Variants in AP4E1 observed in about 807,000 individuals in gnomAD.
The protein encoded by AP4E1 is adaptor related protein complex 4 subunit epsilon 1, also known as AP-4 complex subunit epsilon-1.
A neutral mutation model predicts 128.2 loss-of-function variants in AP4E1; 56 were observed. That is an observed-to-expected ratio of 0.44 (90% confidence interval 0.35 to 0.55). AP4E1 has a LOEUF of 0.55. Among genes scored for constraint, AP4E1 ranks in the 20% least tolerant of loss-of-function variants. AP4E1 has a pLI of 0.00. For synonymous variants in AP4E1, 484 were observed against 473.1 expected, an observed-to-expected ratio of 1.02 and a Z score of -0.30; for missense variants, 1,324 against 1,307.7, an observed-to-expected ratio of 1.01 and a Z score of -0.19.
chr15:50,908,026 G>A (rs922646636), upstream of AP4E1, among the ~76,000 whole-genome samples: 3 of 152,192 alleles, frequency 2.0e-5, no homozygotes, highest in Non-Finnish European at 4.4e-5. Context: ...GGCTCTAGAA[G>A]GATGACCTTT....
At chr15:50,975,871 G>C (rs964720550) in intron 15 of AP4E1, among the ~76,000 whole-genome samples, 1 of 152,066 alleles carries the variant, frequency 6.6e-6, no homozygotes, top group Non-Finnish European at 1.5e-5. Flanking sequence ...AGCAATTTGG[G>C]AGGCCATGGT....
At chr15:50,992,317 T>C (rs1217434921) in intron 16 of AP4E1, among the ~76,000 whole-genome samples, 5 of 152,186 alleles carry the variant, frequency 3.3e-5, no homozygotes, top group Admixed American at 1.3e-4. Context: ...AAAAGTTACA[T>C]GTGGATTTTT....
Position 50,968,351 on chromosome 15 carries a change from A to G in AP4E1, c.1940A>G (p.Gln647Arg), listed in dbSNP as rs1293393901. 2 of 1,613,272 alleles carry G rather than the reference A, an allele frequency of 1.2e-6. No individual in the cohort carries two copies. The highest frequency in any genetic ancestry group is 1.7e-6 in the Non-Finnish European group (2 of 1,179,578). Reference sequence around the variant, plus strand: ...CCTTACAAACCTCCCCATCAACGCCAGGAGGAAAAGCTTTCTCAGGAAAAA... The same window carrying G: ...CCTTACAAACCTCCCCATCAACGCCGGGAGGAAAAGCTTTCTCAGGAAAAA... ...AAPYKPPHQRQEEKLSQEKVL... is the reference protein window; with the variant it reads ...AAPYKPPHQRREEKLSQEKVL... The change falls in exon 15 of 21, where the codon CAG becomes CGG. Residue 647 changes from glutamine to arginine, a missense_variant. By Grantham distance (43) the Gln-to-Arg change is conservative. Transcript: ENST00000261842.
At chr15:50,934,249 T>TA (rs1396083507) in intron 7 of AP4E1, among the ~76,000 whole-genome samples, 1 of 152,028 alleles carries the variant, frequency 6.6e-6, no homozygotes, top group Non-Finnish European at 1.5e-5. Flanking sequence ...AAAATACAGT[T>TA]AATATGCTAT....
chr15:50,932,266 A>T (rs537968766), intron 7 of AP4E1, among the ~76,000 whole-genome samples: 1 of 152,280 alleles, frequency 6.6e-6, no homozygotes, highest in South Asian at 2.1e-4. Context: ...GGCGTGAGCC[A>T]CCGCCCCGGC....
At chr15:51,001,400 T>G (rs2064960898) in intron 20 of AP4E1, among the ~76,000 whole-genome samples, 1 of 152,222 alleles carries the variant, frequency 6.6e-6, no homozygotes, top group African/African-American at 2.4e-5. Flanking sequence ...AAACATATAG[T>G]TAAGTGGCAT....
In AP4E1 at chr15:50,958,512, C is replaced by T. The variant is rs2064262914; in HGVS notation, c.1569C>T (p.Tyr523=). Residue 523 remains tyrosine (Y), a synonymous_variant, in exon 14 of 21, where the codon TAC becomes TAT. Coordinates refer to ENST00000261842, the MANE Select transcript of AP4E1 (RefSeq NM_007347.5). Reference sequence around the variant, plus strand: ...TACAGGTATTAGGGGAATATTCCTACCTCTTAGATAAGGAAACGCCAGAGG... The same window carrying T: ...TACAGGTATTAGGGGAATATTCCTATCTCTTAGATAAGGAAACGCCAGAGG... ...VMSWVLGEYS[Y]LLDKETPEEV... is the part of the protein sequence containing the mutation. The T allele has an allele frequency of 6.2e-7, 1 of 1,612,518 alleles. No individual in the cohort carries two copies. The highest frequency in any genetic ancestry group is 8.5e-7 in the Non-Finnish European group (1 of 1,179,196).
rs778905594 is a variant in AP4E1 at position 50,934,567 on chromosome 15, T to A, written c.870-57T>A. Reference sequence around the variant, plus strand: ...AGTTTTAAAGAGAAGTTTGAAAAACTGTTTTATTGGGTTAGAATACTATAA... The same window carrying A: ...AGTTTTAAAGAGAAGTTTGAAAAACAGTTTTATTGGGTTAGAATACTATAA... On this transcript the variant is annotated intron_variant, in intron 7 of 20. Transcript: ENST00000261842. The A allele has an allele frequency of 4.9e-6, 6 of 1,225,932 alleles. No homozygotes were observed. In the African/African-American group the frequency reaches 8.9e-5, roughly 18 times the overall value. 75.9% of individuals were successfully genotyped at this position (1,225,932 alleles called of 1,614,324 possible).
In AP4E1 at chr15:50,997,661, C is replaced by T. The variant is rs1329923411; in HGVS notation, c.2682C>T (p.Ala894=). 1 of 1,614,042 alleles carries T rather than the reference C, an allele frequency of 6.2e-7. No individual in the cohort carries two copies. Among genetic ancestry groups the T allele is most frequent in the East Asian group, 2.2e-5 (1 of 44,840 alleles). ...EIFHPPQSTA[A]SVAKESSLAS... ...TTCACCCTCCTCAATCTACTGCAGC[C>T]TCAGTTGCCAAGGAAAGCTCTTTAG... Residue 894 remains alanine, a synonymous_variant, in exon 18 of 21, where the codon GCC becomes GCT. Coordinates refer to ENST00000261842, the MANE Select transcript of AP4E1 (RefSeq NM_007347.5).
Position 50,922,817 on chromosome 15 carries a change from G to A in AP4E1, c.347-1114G>A, listed in dbSNP as rs978270199. Among the ~76,000 whole-genome samples, 8 of 149,988 alleles carry A rather than the reference G, an allele frequency of 5.3e-5. No individual in the cohort carries two copies. In the East Asian group the frequency reaches 7.9e-4, roughly 15 times the overall value. Reference sequence around the variant, plus strand: ...TTTTGAGACCGAGTCTTGCTCTGTCGTCTGGTCTGGAGTGCAGTGGCGTGA... The same window carrying A: ...TTTTGAGACCGAGTCTTGCTCTGTCATCTGGTCTGGAGTGCAGTGGCGTGA... On this transcript the variant is annotated intron_variant, in intron 3 of 20. Coordinates refer to ENST00000261842, the MANE Select transcript of AP4E1 (RefSeq NM_007347.5).
Position 50,930,674 on chromosome 15 carries a change from G to C in AP4E1, c.703-131G>C, listed in dbSNP as rs74015235. ...ATCATGGAAGATATTATACATATTA[G>C]AGCACTGTTTCATTAAATGTGAACA... On this transcript the variant is annotated intron_variant, in intron 6 of 20. Coordinates refer to ENST00000261842, the MANE Select transcript of AP4E1 (RefSeq NM_007347.5). The C allele has an allele frequency of 4.8e-3, 4,279 of 897,542 alleles. 146 individuals are homozygous for C. In the African/African-American group the frequency reaches 0.064, roughly 14 times the overall value. 55.6% of individuals were successfully genotyped at this position (897,542 alleles called of 1,614,324 possible). A position where few individuals can be genotyped will look rare whatever the true frequency, so the allele number is the denominator to read the frequency against.
chr15:50,979,130 T>C (rs1304229303), intron 15 of AP4E1, among the ~76,000 whole-genome samples: 1 of 152,024 alleles, frequency 6.6e-6, no homozygotes, highest in Non-Finnish European at 1.5e-5. Flanking sequence ...TAGAAAACAT[T>C]TCTTGAGGTA....
chr15:50,938,106 A>G (rs566498076), intron 8 of AP4E1, among the ~76,000 whole-genome samples: 50 of 152,258 alleles, frequency 3.3e-4, no homozygotes, highest in African/African-American at 1.2e-3. Context: ...AGACTCAGGA[A>G]GGTGGAGAAC....
chr15:51,001,086 G>T lies in AP4E1; in HGVS notation c.3156G>T (p.Val1052=). Reference sequence around the variant, plus strand: ...TCTGGTTATCCTTCGCAAATGATGTGAAACAAAATGTAAAAATGTCAGAAT... The same window carrying T: ...TCTGGTTATCCTTCGCAAATGATGTTAAACAAAATGTAAAAATGTCAGAAT... The part of the protein sequence containing the change: ...GKLWLSFAND[V]KQNVKMSESQ... Residue 1052 remains valine (V), a synonymous_variant, in exon 20 of 21, where the codon GTG becomes GTT. Transcript: ENST00000261842. The T allele has an allele frequency of 6.2e-7, 1 of 1,613,514 alleles. No homozygotes were observed. The highest frequency in any genetic ancestry group is 8.5e-7 in the Non-Finnish European group (1 of 1,179,646).
intron 15 of AP4E1, among the ~76,000 whole-genome samples, chr15:50,971,039 C>T (rs910778801): frequency 1.3e-5 from 2 of 152,062 alleles, no homozygotes; most frequent in African/African-American, 4.8e-5. Context: ...TCAGCACTAC[C>T]AGTGAGTTTT....
intron 14 of AP4E1, among the ~76,000 whole-genome samples, chr15:50,959,296 G>A (rs58645984): frequency 6.6e-6 from 1 of 151,682 alleles, no homozygotes; most frequent in South Asian, 2.1e-4. Context: ...TACAAAGAGA[G>A]AATTCTAAAA....
At chr15:50,915,008 A>G (rs2614790) in intron 2 of AP4E1, among the ~76,000 whole-genome samples, 77,914 of 152,000 alleles carry the variant, frequency 0.51, 20,341 homozygotes, top group South Asian at 0.62. Flanking sequence ...AATGTGAAAA[A>G]TATTTTTGTT....
At position 50,941,543 on chromosome 15, in the gene AP4E1, A is replaced by G; in HGVS notation, c.1045A>G (p.Lys349Glu). The change falls in exon 9 of 21, where the codon AAA becomes GAA. Residue 349 changes from lysine (K) to glutamate (E), a missense_variant. Lys to Glu is a moderately conservative substitution (Grantham distance 56). Transcript: ENST00000261842. ...KCIGKFVLSPKINLKYLGLKA... is the reference protein window; with the variant it reads ...KCIGKFVLSPEINLKYLGLKA... ...CATTGGAAAATTTGTTCTGTCACCT[A>G]AAATAAATCTAAAATATTTAGGTAA... 2 of 1,612,974 alleles carry G rather than the reference A, an allele frequency of 1.2e-6. No individual in the cohort carries two copies. Among genetic ancestry groups the G allele is most frequent in the Admixed American group, 1.7e-5 (1 of 59,946 alleles).
intron 16 of AP4E1, 88 bp downstream of exon 16, chr15:50,984,233 C>A: frequency 6.9e-7 from 1 of 1,441,834 alleles, no homozygotes; most frequent in Non-Finnish European, 9.7e-7. Flanking sequence ...TGCCTCATAT[C>A]ATCATGGTCA....
Sources: gnomAD v4.1 joint callset for allele counts (sites outside exome capture counted in the v4.1 genomes callset) on GRCh38, gnomAD v4.1.1 for gene constraint, MANE v1.5 for transcripts, NCBI Gene and HGNC (gene_info 2026-07-23, HGNC 2026-07-21) for gene names.